Variants in GPC5 observed in about 807,000 individuals in gnomAD.
GPC5 encodes the protein glypican 5.
In GPC5, 47 loss-of-function variants were observed where a neutral mutation model predicts 53.9. The ratio of observed to expected loss-of-function variants is 0.87; its 90% CI spans 0.69 to 1.11. The LOEUF is 1.11. Among genes scored for constraint, GPC5 ranks in the 50% most tolerant of loss-of-function variants. The probability of loss-of-function intolerance (pLI) is 0.00; values close to 1 mark genes in which losing one functional copy is unlikely to be tolerated. For missense variants in GPC5, 748 were observed against 713.1 expected (o/e 1.05, Z -0.56); for synonymous variants, 286 against 263.3 (o/e 1.09, Z -0.84).
intron 7 of GPC5, among the ~76,000 whole-genome samples, chr13:92,164,325 A>G (rs1446716728): frequency 6.6e-6 from 1 of 152,206 alleles, no homozygotes; most frequent in Admixed American, 6.5e-5. Context: ...TAAAATCAAA[A>G]GCAACATACA....
intron 5 of GPC5, among the ~76,000 whole-genome samples, chr13:91,768,672 A>T (rs968508594): frequency 6.6e-6 from 1 of 152,196 alleles, no homozygotes; most frequent in African/African-American, 2.4e-5. Context: ...GTTATATTAG[A>T]TCATTAAACC....
chr13:92,482,588 C>T (rs1417268857), intron 7 of GPC5, among the ~76,000 whole-genome samples: 1 of 152,046 alleles, frequency 6.6e-6, no homozygotes, highest in Admixed American at 6.6e-5. Context: ...CCCTTAAATA[C>T]TACTAGTTAT....
At chr13:92,051,526 T>A (rs991656548) in intron 6 of GPC5, among the ~76,000 whole-genome samples, 1 of 152,018 alleles carries the variant, frequency 6.6e-6, no homozygotes, top group East Asian at 1.9e-4. Flanking sequence ...CCAGTTGCCA[T>A]GTGATGCATA....
intron 7 of GPC5, among the ~76,000 whole-genome samples, chr13:92,169,165 A>T (rs1455018420): frequency 6.6e-6 from 1 of 152,010 alleles, no homozygotes; most frequent in Non-Finnish European, 1.5e-5. Context: ...AACAACATAC[A>T]CTGGAGCCTG....
intron 2 of GPC5, among the ~76,000 whole-genome samples, chr13:91,457,156 T>A (rs952274957): frequency 6.6e-6 from 1 of 152,070 alleles, no homozygotes; most frequent in East Asian, 1.9e-4. Context: ...TTGATAGGGC[T>A]TTTTTCATAG....
At chr13:91,829,361 G>C (rs975498210) in intron 5 of GPC5, among the ~76,000 whole-genome samples, 4 of 152,024 alleles carry the variant, frequency 2.6e-5, no homozygotes, top group African/African-American at 9.7e-5. Context: ...CTAAATGCAG[G>C]AACATGGACC....
At chr13:92,068,138 C>A (rs1266920439) in intron 6 of GPC5, among the ~76,000 whole-genome samples, 2 of 151,688 alleles carry the variant, frequency 1.3e-5, no homozygotes, top group Admixed American at 6.6e-5. Context: ...GTAGAGATAT[C>A]CATTATCACA....
chr13:92,043,918 A>T (rs1362524136), intron 6 of GPC5, among the ~76,000 whole-genome samples: 1 of 152,202 alleles, frequency 6.6e-6, no homozygotes, highest in Non-Finnish European at 1.5e-5. Context: ...CTTATAGGGT[A>T]CATATGCAAT....
At chr13:91,569,003 A>C (rs1327287202) in intron 2 of GPC5, among the ~76,000 whole-genome samples, 3 of 152,038 alleles carry the variant, frequency 2.0e-5, no homozygotes, top group Non-Finnish European at 4.4e-5. Flanking sequence ...CACCTGCCTC[A>C]GCCTCTCAAA....
At chr13:92,643,815 C>T (rs1194516202) in intron 7 of GPC5, among the ~76,000 whole-genome samples, 2 of 150,920 alleles carry the variant, frequency 1.3e-5, no homozygotes, top group African/African-American at 4.9e-5. Flanking sequence ...CAGCATGGCA[C>T]ATGTATACAT....
intron 3 of GPC5, among the ~76,000 whole-genome samples, chr13:91,714,793 C>A (rs1311438274): frequency 6.6e-6 from 1 of 152,052 alleles, no homozygotes; most frequent in Non-Finnish European, 1.5e-5. Context: ...AGGTGAGGCC[C>A]CAACTGGGGC....
intron 7 of GPC5, among the ~76,000 whole-genome samples, chr13:92,847,461 T>C (rs2138840320): frequency 6.6e-6 from 1 of 152,214 alleles, no homozygotes; most frequent in Middle Eastern, 3.4e-3. Flanking sequence ...TGCTCTTCTC[T>C]TGATAGTGAG....
At chr13:92,516,319 C>T (rs751292477) in intron 7 of GPC5, among the ~76,000 whole-genome samples, 23 of 152,116 alleles carry the variant, frequency 1.5e-4, no homozygotes, top group African/African-American at 2.9e-4. Flanking sequence ...ATAAAATACA[C>T]GAGTCCATAT....
intron 7 of GPC5, among the ~76,000 whole-genome samples, chr13:92,702,620 C>T (rs188519972): frequency 1.3e-5 from 2 of 152,078 alleles, no homozygotes; most frequent in Non-Finnish European, 2.9e-5. Flanking sequence ...GCTACCTCCC[C>T]AGCCCAAGCC....
intron 7 of GPC5, among the ~76,000 whole-genome samples, chr13:92,637,583 G>T (rs750744230): frequency 6.6e-6 from 1 of 152,118 alleles, no homozygotes; most frequent in Non-Finnish European, 1.5e-5. Flanking sequence ...AGACTAAAAG[G>T]TGCTCTGGTC....
intron 6 of GPC5, among the ~76,000 whole-genome samples, chr13:91,955,840 C>G (rs1255901011): frequency 6.6e-6 from 1 of 152,226 alleles, no homozygotes; most frequent in Non-Finnish European, 1.5e-5. Flanking sequence ...CGCTACAACT[C>G]TGGAGCCCCA....
intron 7 of GPC5, among the ~76,000 whole-genome samples, chr13:92,759,376 G>T (rs1172818328): frequency 6.6e-6 from 1 of 151,552 alleles, no homozygotes; most frequent in Admixed American, 6.6e-5. Context: ...AGGAGCAATG[G>T]GATATCTTTC....
intron 7 of GPC5, among the ~76,000 whole-genome samples, chr13:92,295,019 G>A (rs1423415261): frequency 6.6e-6 from 1 of 151,758 alleles, no homozygotes; most frequent in African/African-American, 2.4e-5. Flanking sequence ...TAGTAGAGAT[G>A]AGGTTTCACC....
In GPC5 at chr13:91,866,510, G is replaced by T. The variant is rs145113962; in HGVS notation, c.1281-41427G>T. On this transcript the variant is annotated intron_variant, in intron 5 of 7. Transcript: ENST00000377067. ...TCACAAGAGATCTTGTTGTTTAAAA[G>T]AGCCTGGCATCTCCCTTGCCCCTTC... Among the ~76,000 whole-genome samples the T allele has an allele frequency of 1.7e-3, 255 of 152,228 alleles. 1 individual carries two copies. The highest frequency in any genetic ancestry group is 5.8e-3 in the African/African-American group (240 of 41,548).
Sources: gnomAD v4.1 joint callset for allele counts (sites outside exome capture counted in the v4.1 genomes callset) on GRCh38, gnomAD v4.1.1 for gene constraint, MANE v1.5 for transcripts, NCBI Gene and HGNC (gene_info 2026-07-23, HGNC 2026-07-21) for gene names.